FBXL17: variants seen among roughly 807,000 people sequenced by gnomAD.
The protein encoded by FBXL17 is F-box and leucine rich repeat protein 17.
A neutral mutation model predicts 66.2 loss-of-function variants in FBXL17; 22 were observed. That is an observed-to-expected ratio of 0.33 (90% confidence interval 0.24 to 0.47). FBXL17 has a LOEUF of 0.47. FBXL17 is among the 20% of genes least tolerant of loss of function. FBXL17 has a pLI of 1.00. For missense variants in FBXL17, 878 were observed against 948.2 expected (o/e 0.93, Z 0.97); for synonymous variants, 474 against 400.5 (o/e 1.18, Z -2.19).
chr5:108,087,184 G>C (rs1580423364), intron 6 of FBXL17, among the ~76,000 whole-genome samples: 1 of 152,160 alleles, frequency 6.6e-6, no homozygotes, highest in Non-Finnish European at 1.5e-5. Flanking sequence ...CCTTGACTTG[G>C]TAAGTGCGAG....
At position 107,942,819 on chromosome 5, in the gene FBXL17, T is replaced by C. The variant is rs571040409; in HGVS notation, c.1823-61640A>G. Among the ~76,000 whole-genome samples the C allele has an allele frequency of 1.6e-3, 236 of 152,180 alleles. 2 individuals carry two copies. The highest frequency in any genetic ancestry group is 5.5e-3 in the African/African-American group (227 of 41,528). On this transcript the variant is annotated intron_variant, in intron 7 of 8. Coordinates refer to ENST00000542267, the MANE Select transcript of FBXL17 (RefSeq NM_001163315.3). Reference sequence around the variant, plus strand: ...CTATCTGATTTCTTCAACCATACTTTACCTAAGTGGAATTCTCCTTTCCCC... The same window carrying C: ...CTATCTGATTTCTTCAACCATACTTCACCTAAGTGGAATTCTCCTTTCCCC...
chr5:108,345,073 A>C (rs1375300276), intron 4 of FBXL17, among the ~76,000 whole-genome samples: 1 of 152,038 alleles, frequency 6.6e-6, no homozygotes, highest in African/African-American at 2.4e-5. Context: ...GGTGGCTCAC[A>C]CCTGTAATCC....
intron 6 of FBXL17, among the ~76,000 whole-genome samples, chr5:108,071,042 C>A (rs1748311159): frequency 1.3e-5 from 2 of 152,200 alleles, no homozygotes; most frequent in African/African-American, 4.8e-5. Context: ...AAAATGCTAT[C>A]TCAACTAACT....
rs1748084861 is a variant in FBXL17, at chr5:107,860,206, G to C, written c.*1514C>G. The C allele has an allele frequency of 6.6e-6, 1 of 152,608 alleles. No individual in the cohort carries two copies. Among genetic ancestry groups the C allele is most frequent in the Admixed American group, 6.5e-5 (1 of 15,280 alleles). 9.5% of individuals were successfully genotyped at this position (152,608 alleles called of 1,614,324 possible). ...TCTTGTTTCTTACAGCTAATGTCAT[G>C]TTAGCAATGTGAGACTTAAAGAAAG... On this transcript the variant is annotated 3_prime_UTR_variant, in exon 9 of 9. Coordinates refer to ENST00000542267, the MANE Select transcript of FBXL17 (RefSeq NM_001163315.3).
At chr5:108,287,596 A>AT (rs1441876388) in intron 4 of FBXL17, among the ~76,000 whole-genome samples, 42 of 152,070 alleles carry the variant, frequency 2.8e-4, no homozygotes. Flanking sequence ...AATGACTATT[A>AT]TTTAAAAAAA....
At chr5:107,916,607 G>A (rs368555886) in intron 7 of FBXL17, among the ~76,000 whole-genome samples, 1 of 148,164 alleles carries the variant, frequency 6.7e-6, no homozygotes, top group Non-Finnish European at 1.5e-5. Context: ...ATGAAGTCAA[G>A]TCTAAAATTT....
At chr5:108,314,654 G>GA (rs1025349155) in intron 4 of FBXL17, among the ~76,000 whole-genome samples, 7 of 149,314 alleles carry the variant, frequency 4.7e-5, no homozygotes, top group Admixed American at 2.0e-4. Context: ...AGAACAACCA[G>GA]AAAAAAAAAT....
At chr5:108,042,582 C>T (rs1003834713) in intron 6 of FBXL17, among the ~76,000 whole-genome samples, 3 of 152,138 alleles carry the variant, frequency 2.0e-5, no homozygotes, top group Non-Finnish European at 2.9e-5. Flanking sequence ...AAGGTTGCTG[C>T]GTCTACAAAT....
At chr5:108,168,184 A>C (rs1442709163) in intron 6 of FBXL17, among the ~76,000 whole-genome samples, 2 of 151,010 alleles carry the variant, frequency 1.3e-5, no homozygotes, top group African/African-American at 4.8e-5. Flanking sequence ...AGAAAGTCAA[A>C]AGTTGTTGAT....
rs977972600 is a variant in FBXL17 at position 108,299,150 on chromosome 5, A to G, written c.1506+49249T>C. 2.9e-5 allele frequency: 28 copies of G among 980,968 alleles called. No homozygotes were observed. The African/African-American group carries it at 4.4e-4, about 15-fold the overall frequency. The allele number at this position is 980,968 out of a possible 1,614,324, so 60.8% of individuals were successfully genotyped here. A position where few individuals can be genotyped will look rare whatever the true frequency, so the allele number is the denominator to read the frequency against. The stretch of plus-strand genomic sequence containing the variant: ...ATTTAAAATTGTTAAAAATCTGTCA[A>G]GATTCTATCAAGTTTGTTTTTCTTT... On this transcript the variant is annotated intron_variant, in intron 4 of 8. Transcript: ENST00000542267.
At chr5:108,322,109 TG>T (rs1291024297) in intron 4 of FBXL17, among the ~76,000 whole-genome samples, 1 of 151,792 alleles carries the variant, frequency 6.6e-6, no homozygotes, top group Non-Finnish European at 1.5e-5. Context: ...GAATGCAAAA[TG>T]GCATAATCTC....
chr5:107,939,018 T>A (rs1751004198), intron 7 of FBXL17, among the ~76,000 whole-genome samples: 1 of 152,110 alleles, frequency 6.6e-6, no homozygotes, highest in South Asian at 2.1e-4. Flanking sequence ...TCAGACGAAA[T>A]AGAATTTAGC....
chr5:108,124,348 T>C (rs1383991626), intron 6 of FBXL17, among the ~76,000 whole-genome samples: 1 of 152,106 alleles, frequency 6.6e-6, no homozygotes, highest in African/African-American at 2.4e-5. Context: ...CATGCAAATT[T>C]CTAGGTCTTT....
intron 4 of FBXL17, among the ~76,000 whole-genome samples, chr5:108,262,070 ATT>A (rs200282593): frequency 2.2e-5 from 3 of 138,960 alleles, no homozygotes; most frequent in Middle Eastern, 3.5e-3. Context: ...TTATTTATTT[ATT>A]TATTTATTTA....
chr5:108,333,987 T>C (rs1300403982), intron 4 of FBXL17, among the ~76,000 whole-genome samples: 2 of 152,184 alleles, frequency 1.3e-5, no homozygotes, highest in Non-Finnish European at 2.9e-5. Context: ...TAATTGAAGT[T>C]ACAATTAGAA....
intron 4 of FBXL17, among the ~76,000 whole-genome samples, chr5:108,335,697 C>T (rs1032379442): frequency 6.6e-6 from 1 of 151,946 alleles, no homozygotes; most frequent in African/African-American, 2.4e-5. Context: ...GAAATTCCTC[C>T]TATTATTATA....
At chr5:108,337,494 T>A (rs1019224904) in intron 4 of FBXL17, among the ~76,000 whole-genome samples, 1 of 152,078 alleles carries the variant, frequency 6.6e-6, no homozygotes, top group South Asian at 2.1e-4. Context: ...CTGGGAGACA[T>A]TACCGAACTA....
At chr5:108,151,715 C>G (rs1751778743) in intron 6 of FBXL17, among the ~76,000 whole-genome samples, 1 of 152,156 alleles carries the variant, frequency 6.6e-6, no homozygotes, top group Non-Finnish European at 1.5e-5. Context: ...AATGGAAAGG[C>G]AATTTACATA....
chr5:108,345,046 C>T (rs1747177647), intron 4 of FBXL17, among the ~76,000 whole-genome samples: 1 of 152,044 alleles, frequency 6.6e-6, no homozygotes, highest in South Asian at 2.1e-4. Context: ...GAAAATTCTA[C>T]ATCTAAGGCC....
Sources: gnomAD v4.1 joint callset for allele counts (sites outside exome capture counted in the v4.1 genomes callset) on GRCh38, gnomAD v4.1.1 for gene constraint, MANE v1.5 for transcripts, NCBI Gene and HGNC (gene_info 2026-07-23, HGNC 2026-07-21) for gene names.